SP140: variants seen among roughly 807,000 people sequenced by gnomAD.
SP140 encodes the protein SP140 nuclear body protein.
A neutral mutation model predicts 125.0 loss-of-function variants in SP140; 81 were observed. The observed-to-expected ratio is 0.65, with a 90% CI of 0.54 to 0.78. SP140 has a LOEUF of 0.78. SP140 is among the 30% of genes least tolerant of loss of function. The pLI, the probability that SP140 is intolerant of heterozygous loss-of-function variation, is 0.00. For missense variants in SP140, 858 were observed against 1,037.0 expected (o/e 0.83, Z 2.37); for synonymous variants, 312 against 354.0 (o/e 0.88, Z 1.33).
At chr2:230,199,429 G>A (rs1426833469), upstream of SP140, among the ~76,000 whole-genome samples, 6 of 151,384 alleles carry the variant, frequency 4.0e-5, no homozygotes, top group Admixed American at 6.6e-5. Context: ...GGCTGGTCTC[G>A]AACTCCTGGC....
At chr2:230,314,132 G>C (rs1346630357), downstream of SP140, among the ~76,000 whole-genome samples, 1 of 152,166 alleles carries the variant, frequency 6.6e-6, no homozygotes, top group Non-Finnish European at 1.5e-5. Context: ...TCAAGGCCAT[G>C]AAACTCAGCA....
At chr2:230,314,549 T>C (rs1199833120), downstream of SP140, among the ~76,000 whole-genome samples, 6 of 152,352 alleles carry the variant, frequency 3.9e-5, no homozygotes, top group Non-Finnish European at 7.3e-5. Context: ...GATTCTGATA[T>C]ACTCCTGGGT....
At chr2:230,217,590 C>T (rs1286812320) in intron 3 of SP140, among the ~76,000 whole-genome samples, 1 of 152,194 alleles carries the variant, frequency 6.6e-6, no homozygotes, top group East Asian at 1.9e-4. Flanking sequence ...TTTCATAAAA[C>T]CCTTGCGAGG....
intron 22 of SP140, among the ~76,000 whole-genome samples, chr2:230,298,845 T>C (rs893347475): frequency 3.3e-5 from 5 of 152,216 alleles, no homozygotes; most frequent in Non-Finnish European, 5.9e-5. Flanking sequence ...GATCCCCAGA[T>C]GTACTAATTC....
upstream of SP140, chr2:230,225,689 T>C: frequency 4.3e-6 from 3 of 701,142 alleles, no homozygotes; most frequent in Admixed American, 2.0e-5. Flanking sequence ...GAGGGAGGAC[T>C]GTAGAGTTGG....
chr2:230,290,618 T>G (rs1363938547), intron 19 of SP140, 54 bp downstream of exon 19: 1 of 1,385,234 alleles, frequency 7.2e-7, no homozygotes, highest in South Asian at 1.2e-5. Flanking sequence ...GCATCACAAG[T>G]AGTGGGGAAT....
At chr2:230,197,197 A>G in the SP140 span, among the ~76,000 whole-genome samples, 8 of 151,518 alleles carry the variant, frequency 5.3e-5, no homozygotes, top group South Asian at 4.2e-4. Context: ...CATCCTCTCC[A>G]GCACCTGTTG....
the SP140 span, among the ~76,000 whole-genome samples, chr2:230,194,208 T>G: frequency 2.5e-3 from 384 of 152,182 alleles, 1 homozygote; most frequent in African/African-American, 8.5e-3. Context: ...TGGGACAAGA[T>G]CTCTTCCCAG....
chr2:230,308,533 C>T (rs953532951), intron 22 of SP140, among the ~76,000 whole-genome samples: 64 of 152,314 alleles, frequency 4.2e-4, no homozygotes, highest in African/African-American at 1.4e-3. Flanking sequence ...CACATTTACT[C>T]GGTAGCCCGG....
intron 12 of SP140, among the ~76,000 whole-genome samples, chr2:230,258,789 A>G (rs1314121611): frequency 2.0e-5 from 3 of 152,240 alleles, no homozygotes; most frequent in African/African-American, 7.2e-5. Context: ...GTTTAGAAAT[A>G]ACTCCAAGAA....
intron 22 of SP140, among the ~76,000 whole-genome samples, chr2:230,307,763 C>T (rs2058900812): frequency 6.6e-6 from 1 of 152,000 alleles, no homozygotes; most frequent in Admixed American, 6.5e-5. Flanking sequence ...GGCCAGTAGC[C>T]TGAGCCAAGT....
At chr2:230,195,509 T>C in the SP140 span, among the ~76,000 whole-genome samples, 1 of 152,118 alleles carries the variant, frequency 6.6e-6, no homozygotes, top group South Asian at 2.1e-4. Flanking sequence ...TTTGCATTTT[T>C]AGTAGAGACG....
intron 3 of SP140, chr2:230,219,519 C>G (rs2045598741): frequency 6.6e-6 from 1 of 152,062 alleles, no homozygotes; most frequent in Admixed American, 6.6e-5. Context: ...ATTAAATGTA[C>G]TCTCATTTTT....
intron 15 of SP140, among the ~76,000 whole-genome samples, chr2:230,282,986 A>G (rs2055825020): frequency 6.6e-6 from 1 of 152,180 alleles, no homozygotes; most frequent in Non-Finnish European, 1.5e-5. Context: ...AGTCTGTCCA[A>G]TCTGTCCTAT....
At chr2:230,199,591 G>A (rs1476053159), upstream of SP140, among the ~76,000 whole-genome samples, 1 of 152,014 alleles carries the variant, frequency 6.6e-6, no homozygotes, top group Non-Finnish European at 1.5e-5. Context: ...GTGAAATCAT[G>A]ATTTTAAAAA....
At chr2:230,227,496 GA>G (rs1559204711) in intron 1 of SP140, among the ~76,000 whole-genome samples, 1 of 152,214 alleles carries the variant, frequency 6.6e-6, no homozygotes, top group African/African-American at 2.4e-5. Flanking sequence ...GGAAATTGGG[GA>G]GGATGATGTC....
At chr2:230,191,407 GA>G in the SP140 span, among the ~76,000 whole-genome samples, 4,219 of 152,132 alleles carry the variant, frequency 0.028, 195 homozygotes, top group African/African-American at 0.096. Context: ...ATAAAGAAGA[GA>G]GAGAAGAATC....
intron 9 of SP140, among the ~76,000 whole-genome samples, chr2:230,249,785 T>C (rs1250624263): frequency 6.6e-6 from 1 of 152,218 alleles, no homozygotes. Flanking sequence ...CGAGGGCCTA[T>C]GGAGCTGAAG....
intron 3 of SP140, chr2:230,220,247 C>T (rs546130209): frequency 1.2e-5 from 2 of 169,792 alleles, no homozygotes; most frequent in Admixed American, 1.3e-4. Context: ...ACTGGGAACT[C>T]AGCGTCCAAA....
Sources: allele counts gnomAD v4.1 joint callset (sites outside exome capture counted in the v4.1 genomes callset), GRCh38; gene constraint gnomAD v4.1.1; transcripts MANE v1.5; gene names NCBI Gene and HGNC (gene_info 2026-07-23, HGNC 2026-07-21).